PFKP: variants seen among roughly 807,000 people sequenced by gnomAD.
PFKP encodes the protein phosphofructokinase, platelet.
PFKP carries 101 observed loss-of-function variants against 94.3 expected under a neutral mutation model. The observed-to-expected ratio is 1.07, with a 90% CI of 0.91 to 1.26. The LOEUF (loss-of-function observed/expected upper bound fraction) is 1.26, where lower values mean the gene tolerates loss of function less well. Among genes scored for constraint, PFKP ranks in the 50% most tolerant of loss-of-function variants. The pLI is 0.00. For synonymous variants in PFKP, 573 were observed against 432.6 expected (o/e 1.32, Z -4.03); for missense variants, 1,145 against 1,103.3 (o/e 1.04, Z -0.53).
At chr10:3,109,211 C>T (rs879175883) in intron 9 of PFKP, 144 bp from the exon 10 acceptor site, 7 of 1,045,568 alleles carry the variant, frequency 6.7e-6, no homozygotes, top group Admixed American at 5.5e-5. Flanking sequence ...GAGTGGAAAT[C>T]GCTTTGCTCT....
At chr10:3,071,932 C>A (rs972518438) in intron 1 of PFKP, among the ~76,000 whole-genome samples, 1 of 152,248 alleles carries the variant, frequency 6.6e-6, no homozygotes, top group Non-Finnish European at 1.5e-5. Context: ...GCACCACCTT[C>A]CCTGAGTTCA....
intron 4 of PFKP, among the ~76,000 whole-genome samples, chr10:3,102,780 C>T (rs969201959): frequency 3.3e-5 from 5 of 152,208 alleles, no homozygotes; most frequent in African/African-American, 7.2e-5. Flanking sequence ...AACAGCAACT[C>T]GATGAGAGGC....
chr10:3,123,224 A>C (rs1474900537), intron 16 of PFKP, among the ~76,000 whole-genome samples: 9 of 151,966 alleles, frequency 5.9e-5, no homozygotes, highest in Non-Finnish European at 1.5e-5. Flanking sequence ...CTGGCCCATT[A>C]CTCCGTCCTG....
At chr10:3,090,897 C>T (rs546025775) in intron 2 of PFKP, among the ~76,000 whole-genome samples, 2 of 152,212 alleles carry the variant, frequency 1.3e-5, no homozygotes, top group East Asian at 3.9e-4. Flanking sequence ...ACTCTAGTTT[C>T]TAACCTAGAG....
chr10:3,077,261 C>CTTTTTTTTTTTTTTTTTT lies in PFKP; in HGVS notation c.113-5125_113-5108dup, dbSNP rs34485324. ...CATCTATTCTTTACTTTTTTTTTTTCTTTTTTTTTTTTTTTTTTTGAGATG... is the reference window on the plus strand; with the variant it reads ...CATCTATTCTTTACTTTTTTTTTTTCTTTTTTTTTTTTTTTTTTTTTTTTTTTTTTTTTTTTTGAGATG... On this transcript the variant is annotated intron_variant, in intron 1 of 21. Transcript: ENST00000381125. Among the ~76,000 whole-genome samples the CTTTTTTTTTTTTTTTTTT allele has an allele frequency of 2.7e-4, 23 of 84,238 alleles. 1 individual carries two copies. Among genetic ancestry groups the CTTTTTTTTTTTTTTTTTT allele is most frequent in the East Asian group, 3.7e-4 (1 of 2,734 alleles). 55.3% of individuals were successfully genotyped at this position (84,238 alleles called of 152,430 possible). A position where few individuals can be genotyped will look rare whatever the true frequency, so the allele number is the denominator to read the frequency against.
chr10:3,106,075 C>T (rs1407747558), intron 7 of PFKP, among the ~76,000 whole-genome samples: 3 of 152,218 alleles, frequency 2.0e-5, no homozygotes, highest in Non-Finnish European at 4.4e-5. Flanking sequence ...TTTTCTCTCT[C>T]CCGACTCTCT....
At chr10:3,109,966 AC>A (rs1836007543) in intron 10 of PFKP, among the ~76,000 whole-genome samples, 1 of 151,972 alleles carries the variant, frequency 6.6e-6, no homozygotes, top group Non-Finnish European at 1.5e-5. Context: ...GGAAGGTGGG[AC>A]CTTCCCAAAC....
chr10:3,126,378 C>T (rs1564346616), intron 16 of PFKP, among the ~76,000 whole-genome samples: 2 of 152,222 alleles, frequency 1.3e-5, no homozygotes, highest in African/African-American at 2.4e-5. Flanking sequence ...CCTTGGGCCC[C>T]GCACTTGACC....
chr10:3,105,481 A>C lies in PFKP; in HGVS notation c.754A>C (p.Met252Leu), dbSNP rs200224299. Residue 252 changes from methionine to leucine, a missense_variant, in exon 7 of 22, where the codon ATG becomes CTG. By Grantham distance (15) the Met-to-Leu change is conservative. Around this residue, in one of 3 missense-constraint regions of PFKP, gnomAD observed 1,119 missense variants for 1,062.8 expected, o/e 1.05. Transcript: ENST00000381125. ...ACCAGAGGAAGGCTGGGAGGAGCAG[A>C]TGTGTGTCAAACTCTCGGAGGTAAT... ...SPPEEGWEEQ[M>L]CVKLSENRAR... is the part of the protein sequence containing the mutation. 5.6e-5 allele frequency: 90 copies of C among 1,613,070 alleles called. 2 individuals are homozygous for C. The Middle Eastern group carries it at 4.8e-3, about 85-fold the overall frequency.
intron 1 of PFKP, among the ~76,000 whole-genome samples, chr10:3,080,279 A>G (rs1211452711): frequency 3.9e-5 from 6 of 152,164 alleles, no homozygotes; most frequent in Non-Finnish European, 7.4e-5. Flanking sequence ...GCACTTTGGG[A>G]GGCTGAGGCG....
intron 1 of PFKP, among the ~76,000 whole-genome samples, chr10:3,072,151 T>C (rs911475730): frequency 6.6e-6 from 1 of 152,258 alleles, no homozygotes; most frequent in African/African-American, 2.4e-5. Flanking sequence ...GTCCATGAAG[T>C]CCTTTAGAGG....
intron 1 of PFKP, among the ~76,000 whole-genome samples, chr10:3,076,712 G>C (rs1832625914): frequency 6.6e-6 from 1 of 152,144 alleles, no homozygotes; most frequent in South Asian, 2.1e-4. Flanking sequence ...CATCCACACA[G>C]AGCCCAGCAG....
At chr10:3,106,252 C>G (rs959261991) in intron 7 of PFKP, among the ~76,000 whole-genome samples, 1 of 127,782 alleles carries the variant, frequency 7.8e-6, no homozygotes, top group African/African-American at 3.0e-5. Context: ...ACCTGTGTGT[C>G]CTTCCCCATG....
At chr10:3,088,964 C>G (rs1271900834) in intron 2 of PFKP, among the ~76,000 whole-genome samples, 1 of 152,092 alleles carries the variant, frequency 6.6e-6, no homozygotes, top group Non-Finnish European at 1.5e-5. Context: ...CAGAGTTTTG[C>G]TCTGTTGCCC....
At chr10:3,134,183 T>C (rs1024986367) in intron 19 of PFKP, among the ~76,000 whole-genome samples, 2 of 152,226 alleles carry the variant, frequency 1.3e-5, no homozygotes, top group Non-Finnish European at 2.9e-5. Context: ...ATTAAAGCTG[T>C]GACCCATCCC....
intron 2 of PFKP, among the ~76,000 whole-genome samples, chr10:3,095,691 C>T (rs1834425702): frequency 6.6e-6 from 1 of 152,184 alleles, no homozygotes; most frequent in South Asian, 2.1e-4. Flanking sequence ...AAATATTCAG[C>T]CTTCTAAGAA....
chr10:3,107,615 C>A, intron 8 of PFKP: 2 of 366,972 alleles, frequency 5.5e-6, no homozygotes, highest in Non-Finnish European at 7.6e-6. Context: ...GGCTCTTAAA[C>A]ATGAGCTGCT....
At chr10:3,090,684 C>T (rs1833976047) in intron 2 of PFKP, among the ~76,000 whole-genome samples, 1 of 152,034 alleles carries the variant, frequency 6.6e-6, no homozygotes, top group Non-Finnish European at 1.5e-5. Context: ...GGAGCAGCAC[C>T]CCTGTGTCCA....
chr10:3,106,162 G>A (rs1374985774), intron 7 of PFKP, among the ~76,000 whole-genome samples: 1 of 152,198 alleles, frequency 6.6e-6, no homozygotes, highest in African/African-American at 2.4e-5. Flanking sequence ...GGCCGGGGAG[G>A]AGTGGTTCAC....
Sources: gnomAD v4.1 joint callset for allele counts (sites outside exome capture counted in the v4.1 genomes callset) on GRCh38, gnomAD v4.1.1 for gene constraint, gnomAD v4.1.1 regional missense constraint, MANE v1.5 for transcripts, NCBI Gene and HGNC (gene_info 2026-07-23, HGNC 2026-07-21) for gene names.